The following PDE6H variants were observed in gnomAD, a reference collection of about 807,000 sequenced individuals.
PDE6H encodes phosphodiesterase 6H.
PDE6H carries 11 observed loss-of-function variants against 9.2 expected under a neutral mutation model. That is an observed-to-expected ratio of 1.19 (90% confidence interval 0.75 to 1.97). The LOEUF (loss-of-function observed/expected upper bound fraction) is 1.97, where lower values mean the gene tolerates loss of function less well. Among genes scored for constraint, PDE6H ranks in the 30% most tolerant of loss-of-function variants. PDE6H has a pLI of 0.00. For missense variants in PDE6H, 98 were observed against 101.5 expected (o/e 0.97, Z 0.15); for synonymous variants, 36 against 33.6 (o/e 1.07, Z -0.25).
Position 14,981,493 on chromosome 12 carries a change from C to T in PDE6H, c.*17C>T, listed in dbSNP as rs1335400273. 3 of 1,583,568 alleles carry T rather than the reference C, an allele frequency of 1.9e-6. No individual in the cohort carries two copies. In the East Asian group the frequency reaches 6.7e-5, roughly 35 times the overall value. On this transcript the variant is annotated 3_prime_UTR_variant, in exon 4 of 4. Coordinates refer to ENST00000266395, the MANE Select transcript of PDE6H (RefSeq NM_006205.3). ...ATTATCTGAAGTGCCAGAGGTTCTG[C>T]CACTCTCAATGACATCTGCTGTAAT...
At chr12:14,978,239 C>A in intron 2 of PDE6H, 93 bp downstream of exon 2, 13 of 1,175,706 alleles carry the variant, frequency 1.1e-5, no homozygotes, top group Non-Finnish European at 1.2e-5. Context: ...CAATATTAAA[C>A]AGACTTACAA....
intron 2 of PDE6H, 119 bp downstream of exon 2, chr12:14,978,265 C>A (rs1864627934): frequency 6.3e-6 from 5 of 790,582 alleles, no homozygotes; most frequent in Admixed American, 6.2e-5. Context: ...TCCACTCCAT[C>A]CTCTCTTTTC....
intron 1 of PDE6H, 128 bp from the exon 2 acceptor site, chr12:14,977,844 T>C: frequency 1.6e-6 from 1 of 637,902 alleles, no homozygotes; most frequent in South Asian, 2.0e-5. Context: ...TCTCCCCTTT[T>C]GTGTCAACAC....
At chr12:14,981,290 A>G (rs1864679048) in intron 3 of PDE6H, 110 bp from the exon 4 acceptor site, 3 of 794,818 alleles carry the variant, frequency 3.8e-6, no homozygotes, top group African/African-American at 1.7e-5. Context: ...CAGTCAGGGG[A>G]CAATGAGCAG....
At chr12:14,976,595 G>A (rs1474656923) in intron 1 of PDE6H, among the ~76,000 whole-genome samples, 1 of 152,054 alleles carries the variant, frequency 6.6e-6, no homozygotes, top group Non-Finnish European at 1.5e-5. Flanking sequence ...AGGCTGAGGC[G>A]GGAGGGTCAC....
intron 1 of PDE6H, among the ~76,000 whole-genome samples, chr12:14,976,630 AGTG>A (rs1864600186): frequency 6.6e-6 from 1 of 152,104 alleles, no homozygotes; most frequent in Non-Finnish European, 1.5e-5. Flanking sequence ...TTGAGGCTGT[AGTG>A]AGCTATGATT....
chr12:14,979,976 G>A (rs1236406596), intron 3 of PDE6H, among the ~76,000 whole-genome samples: 1 of 152,130 alleles, frequency 6.6e-6, no homozygotes, highest in Non-Finnish European at 1.5e-5. Flanking sequence ...GATGCAGTAT[G>A]TTAATTAAAC....
intron 3 of PDE6H, 148 bp downstream of exon 3, chr12:14,979,367 C>T (rs751360198): frequency 4.9e-5 from 34 of 691,244 alleles, no homozygotes; most frequent in Non-Finnish European, 8.1e-5. Context: ...ATTTAATTTA[C>T]CCTCGAAATA....
chr12:14,977,075 T>G (rs1298735961), intron 1 of PDE6H, among the ~76,000 whole-genome samples: 1 of 152,244 alleles, frequency 6.6e-6, no homozygotes, highest in East Asian at 1.9e-4. Context: ...ATTGAAGATT[T>G]GTGAAAAGTG....
chr12:14,978,080 C>T lies in PDE6H; in HGVS notation c.68C>T (p.Pro23Leu). ...NQGPTTPRKG[P>L]PKFKQRQTRQ... ...GGTCCTACCACCCCACGCAAAGGCC[C>T]TCCCAAGTTCAAGCAGAGGCAGACT... is the stretch of plus-strand genomic sequence containing the variant. Residue 23 changes from proline (P) to leucine (L), a missense_variant, in exon 2 of 4, where the codon CCT (proline) becomes CTT (leucine). Transcript: ENST00000266395. 2 of 1,613,700 alleles carry T rather than the reference C, an allele frequency of 1.2e-6. No homozygotes were observed. Among genetic ancestry groups the T allele is most frequent in the Non-Finnish European group, 1.7e-6 (2 of 1,179,884 alleles).
At chr12:14,980,321 T>A (rs1409792569) in intron 3 of PDE6H, among the ~76,000 whole-genome samples, 1 of 152,252 alleles carries the variant, frequency 6.6e-6, no homozygotes, top group Non-Finnish European at 1.5e-5. Context: ...GCTCATTTTT[T>A]AAAATCACGG....
intron 1 of PDE6H, 82 bp from the exon 2 acceptor site, chr12:14,977,890 C>A: frequency 1.0e-6 from 1 of 956,478 alleles, no homozygotes; most frequent in East Asian, 2.5e-5. Flanking sequence ...TACTTTTCTT[C>A]TCCAGCCTGA....
chr12:14,977,546 G>T (rs1029497781), intron 1 of PDE6H, among the ~76,000 whole-genome samples: 1 of 152,184 alleles, frequency 6.6e-6, no homozygotes, highest in Non-Finnish European at 1.5e-5. Context: ...CACGTAGAAT[G>T]CTTGTGGCAA....
At chr12:14,980,652 G>A (rs940119659) in intron 3 of PDE6H, among the ~76,000 whole-genome samples, 1 of 152,182 alleles carries the variant, frequency 6.6e-6, no homozygotes, top group Non-Finnish European at 1.5e-5. Flanking sequence ...TTGGCAAGGT[G>A]CATACAAGAC....
At chr12:14,979,338 A>G in intron 3 of PDE6H, 119 bp downstream of exon 3, 1 of 725,506 alleles carries the variant, frequency 1.4e-6, no homozygotes, top group East Asian at 2.7e-5. Context: ...AAGATCTGTG[A>G]AGACATAGAA....
chr12:14,976,684 G>T (rs1459997340), intron 1 of PDE6H, among the ~76,000 whole-genome samples: 1 of 152,000 alleles, frequency 6.6e-6, no homozygotes. Context: ...GATGGAGCAA[G>T]AACTTGTCTC....
At chr12:14,975,694 G>T (rs887590943) in intron 1 of PDE6H, among the ~76,000 whole-genome samples, 1 of 152,154 alleles carries the variant, frequency 6.6e-6, no homozygotes, top group African/African-American at 2.4e-5. Context: ...AGTGAGCAGA[G>T]GAACTGGCAG....
At chr12:14,980,067 T>TAGTACATATTGC (rs1864658498) in intron 3 of PDE6H, among the ~76,000 whole-genome samples, 1 of 152,200 alleles carries the variant, frequency 6.6e-6, no homozygotes, top group Admixed American at 6.5e-5. Flanking sequence ...CCCACCATTA[T>TAGTACATATTGC]AGTACATATT....
chr12:14,976,540 A>G (rs1226824351), intron 1 of PDE6H, among the ~76,000 whole-genome samples: 3 of 152,064 alleles, frequency 2.0e-5, no homozygotes, highest in African/African-American at 7.2e-5. Context: ...CAGTATTAGC[A>G]TAGGCTGGTG....
Sources: gnomAD v4.1 joint callset for allele counts (sites outside exome capture counted in the v4.1 genomes callset) on GRCh38, gnomAD v4.1.1 for gene constraint, MANE v1.5 for transcripts, NCBI Gene and HGNC (gene_info 2026-07-23, HGNC 2026-07-21) for gene names.